The following AGBL4 variants were observed in gnomAD, a reference collection of about 807,000 sequenced individuals.
The protein encoded by AGBL4 is AGBL carboxypeptidase 4, also known as cytosolic carboxypeptidase 6.
Under a neutral mutation model 66.4 loss-of-function variants are expected in AGBL4, and 58 were observed. The observed-to-expected ratio is 0.87, with a 90% CI of 0.71 to 1.09. AGBL4 has a LOEUF of 1.09. Ranked by LOEUF, AGBL4 falls within the 50% of genes least tolerant of loss-of-function variation. The pLI is 0.00. For missense variants in AGBL4, 579 were observed against 631.0 expected, an observed-to-expected ratio of 0.92 and a Z score of 0.88; for synonymous variants, 234 against 222.9, an observed-to-expected ratio of 1.05 and a Z score of -0.44.
At chr1:48,857,700 G>T (rs1184761557) in intron 6 of AGBL4, among the ~76,000 whole-genome samples, 1 of 151,742 alleles carries the variant, frequency 6.6e-6, no homozygotes, top group Non-Finnish European at 1.5e-5. Flanking sequence ...CAGCCTGGGT[G>T]ACAAAGTGAG....
intron 11 of AGBL4, 101 bp from the exon 12 acceptor site, chr1:48,539,839 C>T (rs1318873247): frequency 5.3e-6 from 4 of 751,900 alleles, no homozygotes; most frequent in Non-Finnish European, 7.8e-6. Flanking sequence ...AACAGTTACA[C>T]ACTCATTGTT....
intron 6 of AGBL4, among the ~76,000 whole-genome samples, chr1:48,680,631 CGAA>C (rs1276286599): frequency 1.1e-4 from 16 of 152,240 alleles, no homozygotes; most frequent in African/African-American, 2.9e-4. Context: ...GTGGCAAGGC[CGAA>C]GAAGAATTCC....
intron 3 of AGBL4, among the ~76,000 whole-genome samples, chr1:49,656,791 C>T (rs760928140): frequency 6.6e-5 from 10 of 152,082 alleles, no homozygotes; most frequent in East Asian, 1.9e-4. Flanking sequence ...AAAAGGCCTT[C>T]GACAAAATTC....
intron 7 of AGBL4, among the ~76,000 whole-genome samples, chr1:48,660,482 G>A (rs1258646325): frequency 6.6e-6 from 1 of 152,212 alleles, no homozygotes; most frequent in Non-Finnish European, 1.5e-5. Flanking sequence ...TGGGGGCTGA[G>A]GGAAGATGGA....
intron 9 of AGBL4, among the ~76,000 whole-genome samples, chr1:48,607,247 T>C (rs1188234752): frequency 1.3e-5 from 2 of 152,164 alleles, no homozygotes; most frequent in Non-Finnish European, 1.5e-5. Context: ...AGTTCCTTTG[T>C]CCTACTAGCC....
intron 3 of AGBL4, among the ~76,000 whole-genome samples, chr1:49,656,690 G>C (rs1249764599): frequency 6.6e-6 from 1 of 152,164 alleles, no homozygotes; most frequent in East Asian, 1.9e-4. Context: ...TGGGATGCAA[G>C]GCTGGTTCAT....
intron 3 of AGBL4, among the ~76,000 whole-genome samples, chr1:49,683,409 C>G (rs1646732869): frequency 6.6e-6 from 1 of 152,296 alleles, no homozygotes; most frequent in African/African-American, 2.4e-5. Context: ...TAGTAGCTAA[C>G]AGCCACAGGC....
intron 6 of AGBL4, among the ~76,000 whole-genome samples, chr1:48,726,992 T>G (rs1270943841): frequency 6.6e-6 from 1 of 152,238 alleles, no homozygotes; most frequent in Non-Finnish European, 1.5e-5. Context: ...TAATATGCCA[T>G]GCATACTTCA....
chr1:49,864,587 C>G (rs993036402), intron 1 of AGBL4, among the ~76,000 whole-genome samples: 14 of 152,122 alleles, frequency 9.2e-5, no homozygotes, highest in African/African-American at 3.4e-4. Context: ...GGAGCTCCCA[C>G]CCCTAGCCAA....
At chr1:48,550,577 A>G (rs1644234532) in intron 11 of AGBL4, among the ~76,000 whole-genome samples, 1 of 152,156 alleles carries the variant, frequency 6.6e-6, no homozygotes, top group Non-Finnish European at 1.5e-5. Flanking sequence ...TTGTTTCCAT[A>G]TAAGGTATTA....
chr1:49,282,559 A>C (rs1028061887), intron 3 of AGBL4, among the ~76,000 whole-genome samples: 4 of 152,352 alleles, frequency 2.6e-5, no homozygotes, highest in African/African-American at 9.6e-5. Context: ...TACAGCTCCC[A>C]GCGTGAGCGA....
chr1:48,565,979 C>T (rs1644470595), intron 11 of AGBL4, among the ~76,000 whole-genome samples: 1 of 152,132 alleles, frequency 6.6e-6, no homozygotes, highest in Non-Finnish European at 1.5e-5. Context: ...TAAGGATATC[C>T]TAGACCACTG....
chr1:49,027,161 AT>A lies in AGBL4; in HGVS notation c.594+18422del, dbSNP rs374845289. Among the ~76,000 whole-genome samples, 248 of 151,568 alleles carry A rather than the reference AT, an allele frequency of 1.6e-3. 3 individuals are homozygous for A. Among genetic ancestry groups the A allele is most frequent in the Admixed American group, 6.9e-3 (105 of 15,196 alleles). On this transcript the variant is annotated intron_variant, in intron 5 of 13. Coordinates refer to ENST00000371839, the MANE Select transcript of AGBL4 (RefSeq NM_032785.4). ...CAGCAAAACAACCGTTTAACTGCTA[AT>A]TTTTTTTTCTTTTTTGAGACGGAGT... is the stretch of plus-strand genomic sequence containing the variant.
At chr1:48,825,859 TG>T (rs770841774) in intron 6 of AGBL4, among the ~76,000 whole-genome samples, 2 of 152,134 alleles carry the variant, frequency 1.3e-5, no homozygotes, top group Non-Finnish European at 2.9e-5. Flanking sequence ...CTATGGGCAA[TG>T]GGGAGACAAG....
intron 3 of AGBL4, among the ~76,000 whole-genome samples, chr1:49,306,424 C>T (rs546356295): frequency 3.3e-5 from 5 of 152,284 alleles, no homozygotes; most frequent in Middle Eastern, 3.4e-3. Flanking sequence ...TTCCTCTCAG[C>T]CTCTAGTCTC....
At chr1:48,984,772 T>C (rs1392370607) in intron 5 of AGBL4, among the ~76,000 whole-genome samples, 4 of 151,594 alleles carry the variant, frequency 2.6e-5, no homozygotes, top group African/African-American at 7.3e-5. Context: ...TTGGAACAAA[T>C]AGGGCTATCT....
intron 4 of AGBL4, among the ~76,000 whole-genome samples, chr1:49,117,804 C>G (rs1315389911): frequency 6.6e-6 from 1 of 152,046 alleles, no homozygotes; most frequent in Non-Finnish European, 1.5e-5. Context: ...TATAAATTAC[C>G]TTGGGCAGTA....
intron 6 of AGBL4, among the ~76,000 whole-genome samples, chr1:48,855,837 A>T (rs945301337): frequency 6.6e-6 from 1 of 152,200 alleles, no homozygotes; most frequent in Admixed American, 6.5e-5. Flanking sequence ...ATGCTCATAG[A>T]TCTGGTAATT....
chr1:48,755,842 G>C (rs548398103), intron 6 of AGBL4, among the ~76,000 whole-genome samples: 1 of 152,154 alleles, frequency 6.6e-6, no homozygotes, highest in South Asian at 2.1e-4. Context: ...AAGTTCCTAG[G>C]CTCAGAAAGC....
Sources: allele counts gnomAD v4.1 joint callset (sites outside exome capture counted in the v4.1 genomes callset), GRCh38; gene constraint gnomAD v4.1.1; transcripts MANE v1.5; gene names NCBI Gene and HGNC (gene_info 2026-07-23, HGNC 2026-07-21).